Variants in SLC25A18 observed in about 807,000 individuals in gnomAD.
SLC25A18 encodes solute carrier family 25 member 18, also known as mitochondrial glutamate carrier 2.
A neutral mutation model predicts 31.1 loss-of-function variants in SLC25A18; 24 were observed. That is an observed-to-expected ratio of 0.77 (90% confidence interval 0.56 to 1.08). The LOEUF (loss-of-function observed/expected upper bound fraction) is 1.08. Among genes scored for constraint, SLC25A18 ranks in the 50% least tolerant of loss-of-function variants. SLC25A18 has a pLI of 0.00. For synonymous variants in SLC25A18, 173 were observed against 161.9 expected (o/e 1.07, Z -0.52); for missense variants, 371 against 418.5 (o/e 0.89, Z 0.99).
intron 2 of SLC25A18, among the ~76,000 whole-genome samples, chr22:17,577,079 G>C (rs560014166): frequency 1.3e-5 from 2 of 152,184 alleles, no homozygotes; most frequent in South Asian, 4.1e-4. Context: ...CTGGAGTGCA[G>C]TGGCACCATC....
At chr22:17,564,898 A>G (rs1308995870) in intron 1 of SLC25A18, among the ~76,000 whole-genome samples, 1 of 150,366 alleles carries the variant, frequency 6.7e-6, no homozygotes, top group East Asian at 2.0e-4. Context: ...ATGAGGCCCC[A>G]CCTCTACAAA....
rs751322090 is a variant in SLC25A18, at chr22:17,590,221, A to T, written c.933A>T (p.Leu311Phe). The T allele has an allele frequency of 6.2e-7, 1 of 1,614,048 alleles. No individual in the cohort carries two copies. Among genetic ancestry groups the T allele is most frequent in the Non-Finnish European group, 8.5e-7 (1 of 1,180,014 alleles). The change falls in exon 11 of 11, where the codon TTA becomes TTT. Residue 311 changes from leucine (L) to phenylalanine (F), a missense_variant. Leu to Phe is a conservative substitution (Grantham distance 22). Coordinates refer to ENST00000327451, the MANE Select transcript of SLC25A18 (RefSeq NM_031481.3). Reference protein sequence around the residue: ...VYFIGIGERILKCFD With the variant: ...VYFIGIGERIFKCFD Reference sequence around the variant, plus strand: ...TTATTGGGATTGGAGAGCGCATCTTAAAGTGTTTTGACTAGACAGAGCTGG... The same window carrying T: ...TTATTGGGATTGGAGAGCGCATCTTTAAGTGTTTTGACTAGACAGAGCTGG...
rs1601265053 is a variant in SLC25A18, at chr22:17,570,002, G to C, written c.-201+16G>C. On this transcript the variant is annotated intron_variant, in intron 2 of 10. Transcript: ENST00000327451. The stretch of plus-strand genomic sequence containing the variant: ...CCGAAAGCAGGTAAGTGTCTTGTCT[G>C]TCTGCATCAAGCTCAGAGTTGGTAG... 1.0e-6 allele frequency: 1 copy of C among 985,444 alleles called. No homozygotes were observed. The allele number at this position is 985,444 out of a possible 1,614,324, so 61.0% of individuals were successfully genotyped here.
At chr22:17,564,884 C>G (rs2056894387) in intron 1 of SLC25A18, among the ~76,000 whole-genome samples, 1 of 124,656 alleles carries the variant, frequency 8.0e-6, no homozygotes, top group East Asian at 2.3e-4. Context: ...GCCCAGGCAA[C>G]ATAATGAGGC....
At chr22:17,570,781 C>T (rs992118025) in intron 2 of SLC25A18, among the ~76,000 whole-genome samples, 1 of 152,170 alleles carries the variant, frequency 6.6e-6, no homozygotes, top group Non-Finnish European at 1.5e-5. Flanking sequence ...CCACCGTGCC[C>T]AGCCTCAAGA....
chr22:17,585,644 A>ATTTTT (rs1374922417), intron 7 of SLC25A18, among the ~76,000 whole-genome samples: 12 of 133,366 alleles, frequency 9.0e-5, no homozygotes, highest in African/African-American at 3.7e-4. Flanking sequence ...TATTATTATT[A>ATTTTT]TTATTATTTT....
chr22:17,569,311 T>C (rs753738531), intron 1 of SLC25A18, among the ~76,000 whole-genome samples: 6 of 152,240 alleles, frequency 3.9e-5, no homozygotes, highest in Non-Finnish European at 8.8e-5. Flanking sequence ...CCCAGCCCTC[T>C]TCTTTGCTTT....
chr22:17,587,818 C>A, intron 8 of SLC25A18, 107 bp from the exon 9 acceptor site: 1 of 1,399,228 alleles, frequency 7.1e-7, no homozygotes, highest in Non-Finnish European at 9.9e-7. Context: ...GTCCCCGTGG[C>A]TCCTCTCACT....
At chr22:17,575,078 G>A (rs2057199629) in intron 2 of SLC25A18, among the ~76,000 whole-genome samples, 1 of 151,090 alleles carries the variant, frequency 6.6e-6, no homozygotes, top group Non-Finnish European at 1.5e-5. Context: ...TCTCAAACTC[G>A]TGACCTCAGG....
rs955872407 is a variant in SLC25A18 at position 17,563,589 on chromosome 22, G to C, written c.-388G>C. 1.2e-6 allele frequency: 1 copy of C among 832,426 alleles called. No individual in the cohort carries two copies. The highest frequency in any genetic ancestry group is 1.2e-4 in the East Asian group (1 of 8,038). The allele number at this position is 832,426 out of a possible 1,614,324, so 51.6% of individuals were successfully genotyped here. On this transcript the variant is annotated 5_prime_UTR_variant, in exon 1 of 11. Transcript: ENST00000327451. ...TAAAAGCAATGAAGCCAGTTCCTTG[G>C]ATATATCCACGGGCTTTGCTTTGAG...
intron 9 of SLC25A18, chr22:17,588,341 G>T: frequency 2.5e-6 from 1 of 397,584 alleles, no homozygotes; most frequent in Non-Finnish European, 4.5e-6. Flanking sequence ...ATAAATTATT[G>T]CTGATGTGTT....
intron 1 of SLC25A18, chr22:17,569,566 T>C (rs1400182375): frequency 5.1e-6 from 5 of 973,806 alleles, no homozygotes; most frequent in Non-Finnish European, 6.1e-6. Context: ...TTGCGTTGCA[T>C]TGATTTTCAG....
intron 2 of SLC25A18, among the ~76,000 whole-genome samples, chr22:17,574,399 C>T (rs1013806694): frequency 1.3e-5 from 2 of 152,264 alleles, no homozygotes; most frequent in Non-Finnish European, 2.9e-5. Context: ...GTGGCCTAAC[C>T]TGCCTTTGCA....
chr22:17,570,438 T>C (rs1425035852), intron 2 of SLC25A18: 1 of 152,312 alleles, frequency 6.6e-6, no homozygotes, highest in Non-Finnish European at 1.5e-5. Flanking sequence ...CTTCTTGATT[T>C]GAGGATGCTT....
rs756871680 is a variant in SLC25A18, at chr22:17,581,167, C to A, written c.143+8C>A. 1 of 1,586,834 alleles carries A rather than the reference C, an allele frequency of 6.3e-7. No homozygotes were observed. The highest frequency in any genetic ancestry group is 8.6e-7 in the Non-Finnish European group (1 of 1,164,498). On this transcript the variant is annotated splice_region_variant and intron_variant, in intron 4 of 10. Transcript: ENST00000327451. Reference sequence around the variant, plus strand: ...AGCCATGTACAAAGGAATGTAGGTGCTGGCAGGCGAGCGTGGAGGGCAGAG... The same window carrying A: ...AGCCATGTACAAAGGAATGTAGGTGATGGCAGGCGAGCGTGGAGGGCAGAG...
At position 17,587,294 on chromosome 22, in the gene SLC25A18, C is replaced by G. The variant is rs144773019; in HGVS notation, c.568C>G (p.Leu190Val). The G allele has an allele frequency of 6.2e-7, 1 of 1,612,006 alleles. No individual in the cohort carries two copies. The highest frequency in any genetic ancestry group is 1.3e-5 in the African/African-American group (1 of 74,892). Residue 190 changes from leucine (L) to valine (V), a missense_variant, in exon 8 of 11, where the codon CTC becomes GTC. Transcript: ENST00000327451. Reference protein sequence around the residue: ...AGLYRGLGATLLRDIPFSIIY... With the variant: ...AGLYRGLGATVLRDIPFSIIY... ...GCTCTACAGGGGCCTGGGTGCCACT[C>G]TCCTCAGGTGAGCCTTTCTTCCGGT...
chr22:17,570,972 C>G (rs943322736), intron 2 of SLC25A18, among the ~76,000 whole-genome samples: 5 of 152,192 alleles, frequency 3.3e-5, no homozygotes, highest in African/African-American at 1.2e-4. Flanking sequence ...GCCCAAAGAA[C>G]AGTTTGTAAA....
rs137891071 is a variant in SLC25A18, at chr22:17,573,326, G to A, written c.-201+3340G>A. On this transcript the variant is annotated intron_variant, in intron 2 of 10. Transcript: ENST00000327451. ...TAGCCTCTGAATGCTGCTGAGTGGT[G>A]AGATCAGTTGACAGTGCTGCACCTC... Among the ~76,000 whole-genome samples the A allele has an allele frequency of 8.4e-3, 1,274 of 152,184 alleles. 19 individuals are homozygous for A. The highest frequency in any genetic ancestry group is 0.029 in the African/African-American group (1,198 of 41,516).
rs2057159657 is a variant in SLC25A18 at position 17,573,854 on chromosome 22, G to A, written c.-201+3868G>A. Among the ~76,000 whole-genome samples, 2 of 151,942 alleles carry A rather than the reference G, an allele frequency of 1.3e-5. 1 individual carries two copies. The highest frequency in any genetic ancestry group is 4.2e-4 in the South Asian group (2 of 4,804). ...TCCACTTCATTGTTTTACTCTGAAG[G>A]GTCTCCTAATTGGCCTCTCACTGAC... On this transcript the variant is annotated intron_variant, in intron 2 of 10. Transcript: ENST00000327451.
Sources: allele counts gnomAD v4.1 joint callset (sites outside exome capture counted in the v4.1 genomes callset), GRCh38; gene constraint gnomAD v4.1.1; transcripts MANE v1.5; gene names NCBI Gene and HGNC (gene_info 2026-07-23, HGNC 2026-07-21).